Variants in CHCHD3 observed in about 807,000 individuals in gnomAD.
CHCHD3 encodes the protein coiled-coil-helix-coiled-coil-helix domain containing 3.
A neutral mutation model predicts 38.2 loss-of-function variants in CHCHD3; 20 were observed. That is an observed-to-expected ratio of 0.52 (90% CI 0.37 to 0.76). The LOEUF is 0.76. Among genes scored for constraint, CHCHD3 ranks in the 30% least tolerant of loss-of-function variants. The probability of loss-of-function intolerance (pLI) is 0.00; values close to 1 mark genes in which losing one functional copy is unlikely to be tolerated. For synonymous variants in CHCHD3, 82 were observed against 100.0 expected, an observed-to-expected ratio of 0.82 and a Z score of 1.07; for missense variants, 245 against 279.2, an observed-to-expected ratio of 0.88 and a Z score of 0.87.
intron 2 of CHCHD3, among the ~76,000 whole-genome samples, chr7:133,051,389 C>T (rs1044264135): frequency 1.3e-5 from 2 of 152,176 alleles, no homozygotes; most frequent in South Asian, 4.1e-4. Flanking sequence ...TAAATTTAGA[C>T]CTACCAACCT....
At chr7:132,850,181 A>G (rs1446225226) in intron 5 of CHCHD3, among the ~76,000 whole-genome samples, 1 of 152,198 alleles carries the variant, frequency 6.6e-6, no homozygotes, top group African/African-American at 2.4e-5. Flanking sequence ...TTTCCAACAA[A>G]GAACAGGAAG....
chr7:133,040,885 C>T (rs1206348127), intron 2 of CHCHD3, among the ~76,000 whole-genome samples: 1 of 152,166 alleles, frequency 6.6e-6, no homozygotes, highest in East Asian at 1.9e-4. Context: ...CATTAAAATG[C>T]TTTTTCCATC....
At chr7:132,971,762 C>A (rs951456053) in intron 4 of CHCHD3, among the ~76,000 whole-genome samples, 4 of 152,232 alleles carry the variant, frequency 2.6e-5, no homozygotes, top group African/African-American at 4.8e-5. Context: ...TCTTTACTTT[C>A]CTGCAGACTG....
chr7:132,934,783 C>T (rs1050559228), intron 4 of CHCHD3, among the ~76,000 whole-genome samples: 1 of 152,200 alleles, frequency 6.6e-6, no homozygotes, highest in Non-Finnish European at 1.5e-5. Flanking sequence ...GGGCAATAAC[C>T]TTAGTCTAGC....
chr7:132,930,776 G>T (rs554168114), intron 4 of CHCHD3, among the ~76,000 whole-genome samples: 2 of 152,134 alleles, frequency 1.3e-5, no homozygotes, highest in South Asian at 4.2e-4. Flanking sequence ...TTCTCCCATC[G>T]CTATACCTTT....
intron 2 of CHCHD3, among the ~76,000 whole-genome samples, chr7:133,029,756 A>G (rs1469459494): frequency 6.6e-6 from 1 of 152,112 alleles, no homozygotes; most frequent in Non-Finnish European, 1.5e-5. Context: ...CCTTCTCCCT[A>G]CTATCATCAG....
chr7:132,970,732 T>C (rs77536594), intron 4 of CHCHD3, among the ~76,000 whole-genome samples: 5,531 of 152,074 alleles, frequency 0.036, 141 homozygotes, highest in Non-Finnish European at 0.052. Flanking sequence ...TTGCCTTAAG[T>C]AAGTAAATTG....
chr7:132,905,965 A>T (rs1260987995), intron 4 of CHCHD3, among the ~76,000 whole-genome samples: 15 of 152,244 alleles, frequency 9.9e-5, no homozygotes, highest in Non-Finnish European at 2.9e-5. Flanking sequence ...TTAGTATGGT[A>T]AGAGAAATAT....
chr7:132,926,798 ACAT>A (rs951667146), intron 4 of CHCHD3, among the ~76,000 whole-genome samples: 1 of 152,076 alleles, frequency 6.6e-6, no homozygotes, highest in Non-Finnish European at 1.5e-5. Context: ...AATAACTACT[ACAT>A]TGTATTGTTT....
At chr7:132,856,272 G>C (rs1007356988) in intron 5 of CHCHD3, among the ~76,000 whole-genome samples, 3 of 152,206 alleles carry the variant, frequency 2.0e-5, no homozygotes, top group Non-Finnish European at 4.4e-5. Flanking sequence ...CGTTCTGTTA[G>C]TTCCCACAAA....
intron 6 of CHCHD3, among the ~76,000 whole-genome samples, chr7:132,838,011 C>A (rs891375422): frequency 1.3e-5 from 2 of 152,022 alleles, no homozygotes; most frequent in Non-Finnish European, 2.9e-5. Context: ...AGGCAGATAC[C>A]CAAATTTGGA....
intron 4 of CHCHD3, among the ~76,000 whole-genome samples, chr7:132,960,243 A>C (rs75450739): frequency 2.0e-5 from 3 of 147,210 alleles, no homozygotes; most frequent in African/African-American, 7.5e-5. Flanking sequence ...TAAGGCTCAC[A>C]AAAAAAAAAA....
At chr7:132,848,866 C>A (rs576782744) in intron 5 of CHCHD3, among the ~76,000 whole-genome samples, 9 of 152,244 alleles carry the variant, frequency 5.9e-5, no homozygotes, top group Admixed American at 5.2e-4. Flanking sequence ...ACTGGACTCT[C>A]TCCTTTTATC....
chr7:132,929,569 T>C (rs1362013342), intron 4 of CHCHD3, among the ~76,000 whole-genome samples: 1 of 152,212 alleles, frequency 6.6e-6, no homozygotes, highest in Non-Finnish European at 1.5e-5. Flanking sequence ...TCCAGACATA[T>C]GTTTCCAACT....
intron 2 of CHCHD3, among the ~76,000 whole-genome samples, chr7:133,037,021 C>G (rs1230908742): frequency 6.6e-6 from 1 of 152,154 alleles, no homozygotes; most frequent in African/African-American, 2.4e-5. Flanking sequence ...ATTTTAGCTT[C>G]TGATCATCAA....
chr7:132,818,845 T>C (rs1229652596), intron 6 of CHCHD3, among the ~76,000 whole-genome samples: 3 of 152,236 alleles, frequency 2.0e-5, no homozygotes, highest in Non-Finnish European at 4.4e-5. Context: ...AATTTTGCTA[T>C]AGTCTTAATT....
intron 3 of CHCHD3, among the ~76,000 whole-genome samples, chr7:132,982,078 G>T (rs972675566): frequency 2.6e-5 from 4 of 152,092 alleles, no homozygotes; most frequent in African/African-American, 9.7e-5. Flanking sequence ...TTAAACAGAA[G>T]AGCTAAGCTG....
chr7:132,842,961 C>T (rs1562882522), intron 5 of CHCHD3, among the ~76,000 whole-genome samples: 1 of 152,186 alleles, frequency 6.6e-6, no homozygotes, highest in East Asian at 1.9e-4. Context: ...TTGTCCATCA[C>T]CTTTTGGTAT....
chr7:132,890,418 A>C (rs1329800060), intron 4 of CHCHD3, among the ~76,000 whole-genome samples: 1 of 152,172 alleles, frequency 6.6e-6, no homozygotes, highest in Non-Finnish European at 1.5e-5. Flanking sequence ...TTCATAGCAC[A>C]CACTTTTCGG....
Sources: gnomAD v4.1 joint callset for allele counts (sites outside exome capture counted in the v4.1 genomes callset) on GRCh38, gnomAD v4.1.1 for gene constraint, MANE v1.5 for transcripts, NCBI Gene and HGNC (gene_info 2026-07-23, HGNC 2026-07-21) for gene names.